ANKRD44: variants seen among roughly 807,000 people sequenced by gnomAD.
The protein encoded by ANKRD44 is serine/threonine-protein phosphatase 6 regulatory ankyrin repeat subunit B.
A neutral mutation model predicts 116.0 loss-of-function variants in ANKRD44; 35 were observed. The ratio of observed to expected loss-of-function variants is 0.30; its 90% CI spans 0.23 to 0.40. The LOEUF is 0.40. ANKRD44 is among the 10% of genes least tolerant of loss of function. The probability of loss-of-function intolerance (pLI) is 1.00; values close to 1 mark genes in which losing one functional copy is unlikely to be tolerated. For missense variants in ANKRD44, 1,014 were observed against 1,242.6 expected (o/e 0.82, Z 2.77); for synonymous variants, 435 against 461.8 (o/e 0.94, Z 0.74).
At chr2:197,079,286 G>GA (rs548768040) in intron 15 of ANKRD44, among the ~76,000 whole-genome samples, 49 of 149,682 alleles carry the variant, frequency 3.3e-4, no homozygotes, top group Non-Finnish European at 5.9e-4. Flanking sequence ...AAAAGAGTAA[G>GA]AAAAAAAAAT....
At chr2:197,132,759 T>C (rs977496537) in intron 4 of ANKRD44, among the ~76,000 whole-genome samples, 1 of 152,054 alleles carries the variant, frequency 6.6e-6, no homozygotes, top group African/African-American at 2.4e-5. Context: ...AAAATTATTA[T>C]AGCTTAAATT....
chr2:197,140,029 G>C (rs2079322019), intron 3 of ANKRD44, among the ~76,000 whole-genome samples: 1 of 150,338 alleles, frequency 6.7e-6, no homozygotes, highest in Admixed American at 6.6e-5. Context: ...ACAGGTACCT[G>C]CCATCATGCC....
intron 15 of ANKRD44, among the ~76,000 whole-genome samples, chr2:197,079,912 G>C (rs981183389): frequency 4.6e-5 from 7 of 152,102 alleles, no homozygotes; most frequent in Non-Finnish European, 8.8e-5. Context: ...ACTGATGAAA[G>C]CCATACATTT....
chr2:197,275,330 G>A (rs1353120480), intron 1 of ANKRD44, among the ~76,000 whole-genome samples: 2 of 150,162 alleles, frequency 1.3e-5, no homozygotes, highest in African/African-American at 4.9e-5. Context: ...GCCCAGGCTG[G>A]TCTTGAACTC....
intron 1 of ANKRD44, among the ~76,000 whole-genome samples, chr2:197,202,658 G>A (rs951243135): frequency 7.2e-5 from 11 of 151,998 alleles, no homozygotes; most frequent in Admixed American, 5.9e-4. Context: ...CTGCAAGCTC[G>A]ACCTCCCTGG....
At chr2:196,968,029 T>A (rs920191026) in intron 21 of ANKRD44, among the ~76,000 whole-genome samples, 3 of 152,060 alleles carry the variant, frequency 2.0e-5, no homozygotes, top group African/African-American at 7.2e-5. Flanking sequence ...CCCTAGAAGC[T>A]GAGCAGAGGC....
chr2:197,273,289 G>GTT (rs1444342305), intron 1 of ANKRD44, among the ~76,000 whole-genome samples: 4 of 152,052 alleles, frequency 2.6e-5, no homozygotes, highest in Admixed American at 2.6e-4. Context: ...CCTACAAACT[G>GTT]GTCAGAAGAG....
At chr2:197,302,361 T>C (rs750525417) in intron 1 of ANKRD44, 1 of 152,310 alleles carries the variant, frequency 6.6e-6, no homozygotes, top group Non-Finnish European at 1.5e-5. Flanking sequence ...GCTGCTGTTA[T>C]AACCCAAGTG....
At chr2:197,238,608 A>C (rs962414302) in intron 1 of ANKRD44, among the ~76,000 whole-genome samples, 1 of 152,156 alleles carries the variant, frequency 6.6e-6, no homozygotes, top group African/African-American at 2.4e-5. Context: ...AAAGATATAT[A>C]TATATTTCTC....
intron 16 of ANKRD44, among the ~76,000 whole-genome samples, chr2:197,076,603 G>A (rs577993681): frequency 1.3e-5 from 2 of 152,110 alleles, no homozygotes; most frequent in South Asian, 4.2e-4. Flanking sequence ...TTGCCACCCA[G>A]GTACTAAGCC....
chr2:196,979,554 C>CCTTTTTTTTTT (rs2075785197), intron 21 of ANKRD44, among the ~76,000 whole-genome samples: 21 of 59,644 alleles, frequency 3.5e-4, no homozygotes, highest in African/African-American at 1.2e-3. Context: ...AATAAGATGA[C>CCTTTTTTTTTT]TTTTTTTTTT....
intron 16 of ANKRD44, among the ~76,000 whole-genome samples, chr2:197,028,263 C>A (rs1229336176): frequency 6.6e-6 from 1 of 152,090 alleles, no homozygotes; most frequent in East Asian, 1.9e-4. Flanking sequence ...CACTCTGCCA[C>A]CCTGACTGAA....
chr2:197,130,304 AC>A (rs1307575313), intron 4 of ANKRD44, among the ~76,000 whole-genome samples: 1 of 152,260 alleles, frequency 6.6e-6, no homozygotes, highest in Non-Finnish European at 1.5e-5. Context: ...TATTCTAAGA[AC>A]TAGGAGTGCA....
Position 196,993,620 on chromosome 2 carries a change from C to T in ANKRD44, c.2886G>A (p.Leu962=). The change falls in exon 27 of 28, where the codon CTG becomes CTA. Residue 962 remains leucine (L), a synonymous_variant. Coordinates refer to ENST00000282272, the MANE Select transcript of ANKRD44 (RefSeq NM_001195144.2). ...NGLKVVVEEL[L]AKGACVLAVD... ...CAGCAAGTACACAGGCCCCTTTGGCCAGCAACTCCTCAACTACCACCTTTA... is the reference window on the plus strand; with the variant it reads ...CAGCAAGTACACAGGCCCCTTTGGCTAGCAACTCCTCAACTACCACCTTTA... 6.4e-7 allele frequency: 1 copy of T among 1,551,090 alleles called. No homozygotes were observed. Among genetic ancestry groups the T allele is most frequent in the Non-Finnish European group, 8.7e-7 (1 of 1,147,094 alleles).
intron 1 of ANKRD44, among the ~76,000 whole-genome samples, chr2:197,223,079 C>G (rs1178770301): frequency 2.0e-5 from 3 of 152,170 alleles, no homozygotes; most frequent in Non-Finnish European, 4.4e-5. Flanking sequence ...TCCCAAAGTG[C>G]TGGGATTAAA....
Position 197,124,553 on chromosome 2 carries a change from C to T in ANKRD44, c.550+828G>A, listed in dbSNP as rs142364856. On this transcript the variant is annotated intron_variant, in intron 6 of 27. Transcript: ENST00000282272. ...ATATCACAGACTCTGTGTTAATAAACACTCATGGACTCATCACTGTAGTTA... is the reference window on the plus strand; with the variant it reads ...ATATCACAGACTCTGTGTTAATAAATACTCATGGACTCATCACTGTAGTTA... Among the ~76,000 whole-genome samples the T allele has an allele frequency of 2.4e-3, 368 of 152,286 alleles. 2 individuals carry two copies. Among genetic ancestry groups the T allele is most frequent in the African/African-American group, 8.0e-3 (333 of 41,540 alleles).
rs1413345810 is a variant in ANKRD44, at chr2:196,986,823, A to C, written c.*2768T>G. ...GATTCAGATTGTTTCAAAGTCATTC[A>C]CTGAACTAAAAGTCATTTTCCCCAT... On this transcript the variant is annotated 3_prime_UTR_variant, in exon 28 of 28. Transcript: ENST00000282272. The C allele has an allele frequency of 1.1e-5, 11 of 985,340 alleles. No individual in the cohort carries two copies. The highest frequency in any genetic ancestry group is 1.2e-5 in the Non-Finnish European group (10 of 829,936). 61.0% of individuals were successfully genotyped at this position (985,340 alleles called of 1,614,324 possible).
intron 1 of ANKRD44, among the ~76,000 whole-genome samples, chr2:197,239,644 T>A (rs1156634318): frequency 6.6e-6 from 1 of 152,242 alleles, no homozygotes; most frequent in Non-Finnish European, 1.5e-5. Flanking sequence ...GATAACCAAC[T>A]GTCACTGAGT....
intron 5 of ANKRD44, 52 bp downstream of exon 5, chr2:197,125,785 G>A (rs2579394): frequency 0.78 from 1,223,710 of 1,560,298 alleles, 490,091 homozygotes; most frequent in East Asian, 0.96. Flanking sequence ...TTCCACTTGT[G>A]GCTGAAAGTC....
Sources: allele counts gnomAD v4.1 joint callset (sites outside exome capture counted in the v4.1 genomes callset), GRCh38; gene constraint gnomAD v4.1.1; transcripts MANE v1.5; gene names NCBI Gene and HGNC (gene_info 2026-07-23, HGNC 2026-07-21).